ASH2L: variants seen among roughly 807,000 people sequenced by gnomAD.
The protein encoded by ASH2L is ASH2 like, histone lysine methyltransferase complex subunit.
In ASH2L, 30 loss-of-function variants were observed where a neutral mutation model predicts 81.1. That is an observed-to-expected ratio of 0.37 (90% CI 0.28 to 0.50). ASH2L has a LOEUF of 0.50. Among genes scored for constraint, ASH2L ranks in the 20% least tolerant of loss-of-function variants. The pLI is 0.95. For missense variants in ASH2L, 559 were observed against 792.1 expected, an observed-to-expected ratio of 0.71 and a Z score of 3.53; for synonymous variants, 273 against 279.9, an observed-to-expected ratio of 0.98 and a Z score of 0.24.
intron 5 of ASH2L, among the ~76,000 whole-genome samples, chr8:38,111,374 C>G (rs1379731301): frequency 2.6e-5 from 4 of 152,206 alleles, no homozygotes; most frequent in African/African-American, 9.7e-5. Context: ...CAGGTGTGAG[C>G]CACTGCACGT....
chr8:38,129,161 A>G (rs889870235), intron 12 of ASH2L, among the ~76,000 whole-genome samples: 17 of 152,134 alleles, frequency 1.1e-4, no homozygotes, highest in Admixed American at 2.6e-4. Context: ...GTCTTTTTTT[A>G]GTGCACTACA....
chr8:38,121,900 C>T (rs187974086), intron 10 of ASH2L, among the ~76,000 whole-genome samples: 2 of 152,254 alleles, frequency 1.3e-5, no homozygotes, highest in Admixed American at 1.3e-4. Flanking sequence ...CCGTCTTTCC[C>T]TTATACTTAA....
intron 13 of ASH2L, among the ~76,000 whole-genome samples, chr8:38,135,108 C>G (rs903871765): frequency 6.6e-6 from 1 of 152,042 alleles, no homozygotes; most frequent in Admixed American, 6.5e-5. Flanking sequence ...CCAAGCTAGT[C>G]TTCAACTCCT....
At chr8:38,108,070 G>A (rs982809421) in intron 3 of ASH2L, among the ~76,000 whole-genome samples, 27 of 152,216 alleles carry the variant, frequency 1.8e-4, no homozygotes, top group African/African-American at 6.3e-4. Flanking sequence ...AAAGTGTTGG[G>A]ATTACTGGCA....
At chr8:38,133,343 A>G (rs905715963) in intron 12 of ASH2L, 111 bp from the exon 13 acceptor site, 6 of 710,588 alleles carry the variant, frequency 8.4e-6, no homozygotes, top group South Asian at 6.7e-5. Context: ...AAGATTTTTA[A>G]TATCTGTTGT....
In ASH2L at chr8:38,105,614, G is replaced by A. The variant is rs756901476; in HGVS notation, c.64G>A (p.Ala22Thr). ...AGAGPGPGAV[A>T]NATGAEEGEM... is the part of the protein sequence containing the mutation. ...TGCCGGGCCTGGCCCAGGAGCGGTC[G>A]CAAATGCAACAGGGGCAGAAGAGGG... The change falls in exon 1 of 16, where the codon GCA becomes ACA. Residue 22 changes from alanine to threonine, a missense_variant. Physicochemically the swap from Ala to Thr is moderately conservative, Grantham distance 58. Coordinates refer to ENST00000343823, the MANE Select transcript of ASH2L (RefSeq NM_004674.5). 7 of 1,603,872 alleles carry A rather than the reference G, an allele frequency of 4.4e-6. No individual in the cohort carries two copies. The South Asian group carries it at 4.4e-5, about 10-fold the overall frequency.
intron 3 of ASH2L, among the ~76,000 whole-genome samples, chr8:38,109,759 A>T (rs993120110): frequency 6.6e-6 from 1 of 151,976 alleles, no homozygotes; most frequent in African/African-American, 2.4e-5. Flanking sequence ...TTTTTAATTC[A>T]TTTTTTCTTA....
intron 5 of ASH2L, among the ~76,000 whole-genome samples, chr8:38,113,880 T>G (rs946879168): frequency 6.6e-6 from 1 of 152,212 alleles, no homozygotes; most frequent in African/African-American, 2.4e-5. Context: ...GAGAATAATT[T>G]GGGAGTCATC....
At chr8:38,108,530 A>AAT (rs1438627764) in intron 3 of ASH2L, among the ~76,000 whole-genome samples, 1 of 150,360 alleles carries the variant, frequency 6.7e-6, no homozygotes, top group African/African-American at 2.5e-5. Context: ...AAAAAAAAAA[A>AAT]GGTGGGGGGC....
Position 38,123,470 on chromosome 8 carries a change from C to T in ASH2L, c.1165+2321C>T, listed in dbSNP as rs571443600. Among the ~76,000 whole-genome samples the T allele has an allele frequency of 1.1e-3, 172 of 152,278 alleles. 2 individuals are homozygous for T. Among genetic ancestry groups the T allele is most frequent in the African/African-American group, 4.0e-3 (165 of 41,562 alleles). On this transcript the variant is annotated intron_variant, in intron 10 of 15. Transcript: ENST00000343823. The stretch of plus-strand genomic sequence containing the variant: ...TAGCTCTTTTTGTCTTTAGACTTGC[C>T]GTACTCAGTCCAAGGTACTGGTAAC...
At chr8:38,114,072 A>G (rs2130494400) in intron 5 of ASH2L, 120 bp from the exon 6 acceptor site, 2 of 623,234 alleles carry the variant, frequency 3.2e-6, no homozygotes, top group East Asian at 3.0e-5. Context: ...CCGTGGGGGG[A>G]AAAACTAACA....
chr8:38,133,839 G>A (rs537579826), intron 13 of ASH2L, among the ~76,000 whole-genome samples: 2 of 152,266 alleles, frequency 1.3e-5, no homozygotes, highest in South Asian at 4.1e-4. Flanking sequence ...ACAGCTCATT[G>A]AGAACGGGCC....
rs1465121144 is a variant in ASH2L at position 38,106,424 on chromosome 8, T to G, written c.235T>G (p.Ser79Ala). ...AAGCGGTGGCTTGGAGACAGAATCA[T>G]CTAATGGAAAAGATACACTAGTAAG... ...DVSGGLETESSNGKDTLEGAG... is the reference protein window; with the variant it reads ...DVSGGLETESANGKDTLEGAG... Residue 79 changes from serine to alanine, a missense_variant, in exon 2 of 16, where the codon TCT becomes GCT. Ser to Ala is a moderately conservative substitution (Grantham distance 99). Around this residue, in one of 4 missense-constraint regions of ASH2L, gnomAD observed 145 missense variants for 115.5 expected, o/e 1.26. Transcript: ENST00000343823. 1.2e-5 allele frequency: 19 copies of G among 1,613,906 alleles called. No homozygotes were observed. The highest frequency in any genetic ancestry group is 1.6e-5 in the Non-Finnish European group (19 of 1,179,904).
intron 10 of ASH2L, among the ~76,000 whole-genome samples, chr8:38,121,583 C>T (rs1226775907): frequency 1.3e-5 from 2 of 151,998 alleles, no homozygotes; most frequent in Non-Finnish European, 2.9e-5. Context: ...TTTCCACTCA[C>T]ACTTAATTAT....
rs774851296 is a variant in ASH2L, at chr8:38,128,963, C to G, written c.1527+12C>G. The G allele has an allele frequency of 1.9e-6, 3 of 1,605,724 alleles. No homozygotes were observed. In the South Asian group the frequency reaches 3.3e-5, roughly 18 times the overall value. On this transcript the variant is annotated intron_variant, in intron 12 of 15. Transcript: ENST00000343823. ...CATACAAAGATAAGGTGAGTTTGTC[C>G]TCTCCCGGCAGATTCCTGGCTTTGA...
Position 38,138,844 on chromosome 8 carries a change from A to G in ASH2L, c.1748A>G (p.Lys583Arg), listed in dbSNP as rs762558111. 3.1e-6 allele frequency: 5 copies of G among 1,614,158 alleles called. No individual in the cohort carries two copies. Among genetic ancestry groups the G allele is most frequent in the Non-Finnish European group, 2.5e-6 (3 of 1,180,024 alleles). The stretch of plus-strand genomic sequence containing the variant: ...TCCATTAACTTTGGACCATGCTTCA[A>G]GTATCCTCCGAAGGATCTCACTTAC... Reference protein sequence around the residue: ...TVSINFGPCFKYPPKDLTYRP... With the variant: ...TVSINFGPCFRYPPKDLTYRP... Residue 583 changes from lysine to arginine, a missense_variant, in exon 15 of 16, where the codon AAG becomes AGG. Physicochemically the swap from Lys to Arg is conservative, Grantham distance 26 (BLOSUM62 2). Coordinates refer to ENST00000343823, the MANE Select transcript of ASH2L (RefSeq NM_004674.5).
At position 38,135,883 on chromosome 8, in the gene ASH2L, A is replaced by C. The variant is rs988412022; in HGVS notation, c.1719+117A>C. On this transcript the variant is annotated intron_variant, in intron 14 of 15. Coordinates refer to ENST00000343823, the MANE Select transcript of ASH2L (RefSeq NM_004674.5). ...CAAGCAGCCTCAGAGTGGCATGCGC[A>C]TGTGTTGTTACCATTACTGTTTAGT... 9 of 686,814 alleles carry C rather than the reference A, an allele frequency of 1.3e-5. No homozygotes were observed. The African/African-American group carries it at 1.6e-4, about 12-fold the overall frequency. The allele number at this position is 686,814 out of a possible 1,614,324, so 42.5% of individuals were successfully genotyped here. A position where few individuals can be genotyped will look rare whatever the true frequency, so the allele number is the denominator to read the frequency against.
In ASH2L at chr8:38,139,331, G is replaced by T; in HGVS notation, c.*260G>T. ...ATTGCATAAGCCCCCTGTGAAATCG[G>T]TGCTGTACTGCATACCCTGCCAGCT... On this transcript the variant is annotated 3_prime_UTR_variant, in exon 16 of 16. Transcript: ENST00000343823. 1 of 385,392 alleles carries T rather than the reference G, an allele frequency of 2.6e-6. No individual in the cohort carries two copies. The highest frequency in any genetic ancestry group is 4.7e-6 in the Non-Finnish European group (1 of 213,672). 23.9% of individuals were successfully genotyped at this position (385,392 alleles called of 1,614,324 possible). A position where few individuals can be genotyped will look rare whatever the true frequency, so the allele number is the denominator to read the frequency against.
chr8:38,131,227 A>G (rs1802048076), intron 12 of ASH2L, among the ~76,000 whole-genome samples: 1 of 152,178 alleles, frequency 6.6e-6, no homozygotes, highest in Non-Finnish European at 1.5e-5. Context: ...TGCCTCCCGG[A>G]ACTCTTTAAA....
Sources: gnomAD v4.1 joint callset for allele counts (sites outside exome capture counted in the v4.1 genomes callset) on GRCh38, gnomAD v4.1.1 for gene constraint, gnomAD v4.1.1 regional missense constraint, MANE v1.5 for transcripts, NCBI Gene and HGNC (gene_info 2026-07-23, HGNC 2026-07-21) for gene names.